Variants in ABR observed in about 807,000 individuals in gnomAD.
ABR encodes ABR activator of RhoGEF and GTPase.
Under a neutral mutation model 107.2 loss-of-function variants are expected in ABR, and 35 were observed. The ratio of observed to expected loss-of-function variants is 0.33; its 90% confidence interval spans 0.25 to 0.43. ABR has a LOEUF of 0.43. ABR is among the 20% of genes least tolerant of loss of function. The pLI, the probability that ABR is intolerant of heterozygous loss-of-function variation, is 1.00. For synonymous variants in ABR, 498 were observed against 462.0 expected, an observed-to-expected ratio of 1.08 and a Z score of -1.00; for missense variants, 815 against 1,115.2, an observed-to-expected ratio of 0.73 and a Z score of 3.83.
rs1049020115 is a variant in ABR, at chr17:1,179,379, G to A, written c.61+288C>T. 2.0e-5 allele frequency among the ~76,000 whole-genome samples: 3 copies of A among 152,088 alleles called. No homozygotes were observed. The highest frequency in any genetic ancestry group is 4.4e-5 in the Non-Finnish European group (3 of 67,978). On this transcript the variant is annotated intron_variant, in intron 1 of 22. Transcript: ENST00000302538. The surrounding 1 kb of genome is among the most constrained non-coding windows in gnomAD (Gnocchi z 4.9). ...GGTGGGAGGGGGGACGCAGCTCTCG[G>A]CTCGGTCCGCCCACGGTCCCCGCCC...
Position 1,072,746 on chromosome 17 carries a change from C to G in ABR, c.762G>C (p.Leu254=). 1 of 1,612,972 alleles carries G rather than the reference C, an allele frequency of 6.2e-7. No homozygotes were observed. The highest frequency in any genetic ancestry group is 1.3e-5 in the African/African-American group (1 of 75,008). The change falls in exon 8 of 23, where the codon CTG becomes CTC. Residue 254 remains leucine, a synonymous_variant. Coordinates refer to ENST00000302538, the MANE Select transcript of ABR (RefSeq NM_021962.5). ...CGGGGTGGTCCACAGGTGTGTGCTTCAGCAGGTCCTGGGAAGGGTGAGGCG... is the reference window on the plus strand; with the variant it reads ...CGGGGTGGTCCACAGGTGTGTGCTTGAGCAGGTCCTGGGAAGGGTGAGGCG... ...TRSTLVLHDL[L]KHTPVDHPDY... is the part of the protein sequence containing the mutation.
rs545912944 is a variant in ABR, at chr17:1,084,784, G to A, written c.532-1157C>T. Among the ~76,000 whole-genome samples, 1 of 152,326 alleles carries A rather than the reference G, an allele frequency of 6.6e-6. No individual in the cohort carries two copies. The highest frequency in any genetic ancestry group is 6.5e-5 in the Admixed American group (1 of 15,288). On this transcript the variant is annotated intron_variant, in intron 4 of 22. Coordinates refer to ENST00000302538, the MANE Select transcript of ABR (RefSeq NM_021962.5). This position sits in a 1 kb window ranked among gnomAD's most constrained non-coding sequence, Gnocchi z 4.2. Reference sequence around the variant, plus strand: ...TCTAATTGACAGCAACGGCTGGCAAGCATATGGGGAAATTTAAACTCCCTG... The same window carrying A: ...TCTAATTGACAGCAACGGCTGGCAAACATATGGGGAAATTTAAACTCCCTG...
chr17:1,082,993 G>A (rs566640757), intron 5 of ABR, among the ~76,000 whole-genome samples: 2 of 152,044 alleles, frequency 1.3e-5, no homozygotes, highest in African/African-American at 4.8e-5. Context: ...GCGTGGTGGT[G>A]TGCGCCTGTA....
intron 2 of ABR, among the ~76,000 whole-genome samples, chr17:1,103,284 C>T (rs1391660492): frequency 6.6e-6 from 1 of 152,026 alleles, no homozygotes; most frequent in African/African-American, 2.4e-5. Flanking sequence ...CAGCCTCCAG[C>T]ACACGTAGCC....
intron 1 of ABR, among the ~76,000 whole-genome samples, chr17:1,175,361 G>A (rs1056843579): frequency 1.4e-4 from 21 of 152,146 alleles, no homozygotes; most frequent in Admixed American, 2.6e-4. Flanking sequence ...GCAGTGAGCC[G>A]AGATCGCACC....
chr17:1,120,809 G>A (rs944032267), intron 2 of ABR, among the ~76,000 whole-genome samples: 4 of 152,174 alleles, frequency 2.6e-5, no homozygotes, highest in African/African-American at 9.7e-5. Context: ...AGTCATGAGT[G>A]ACACCCCTCA....
chr17:1,169,678 G>A (rs944440193), intron 1 of ABR, among the ~76,000 whole-genome samples: 2 of 152,148 alleles, frequency 1.3e-5, no homozygotes, highest in Admixed American at 6.5e-5. Context: ...TGCTGCGCGC[G>A]GGAGAGTTCA....
chr17:1,155,969 A>AAAG (rs1555607593), intron 1 of ABR: 3 of 151,630 alleles, frequency 2.0e-5, no homozygotes, highest in African/African-American at 7.3e-5. Context: ...AAAAAAAAAA[A>AAAG]AAAAAGGATA....
chr17:1,109,431 G>A, intron 2 of ABR, among the ~76,000 whole-genome samples: 1 of 151,932 alleles, frequency 6.6e-6, no homozygotes. Flanking sequence ...CGCTCGCTCC[G>A]AACACACAGG....
upstream of ABR, among the ~76,000 whole-genome samples, chr17:1,180,302 C>T (rs2042091762): frequency 6.6e-6 from 1 of 151,906 alleles, no homozygotes; most frequent in African/African-American, 2.4e-5. Context: ...GGGGTGACAT[C>T]ACCTCCCGCC....
At position 1,209,180 on chromosome 17, in the gene ABR, TAC is replaced by T. The variant is rs2042855871; in HGVS notation, c.838+19611_838+19612del. Among the ~76,000 whole-genome samples the T allele has an allele frequency of 2.0e-5, 3 of 152,156 alleles. No individual in the cohort carries two copies. In the South Asian group the frequency reaches 6.2e-4, roughly 32 times the overall value. Reference sequence around the variant, plus strand: ...ATAGAGTTCATGGGAGCCTGGAACTTACAGTCATAAAATCAGACATACAGTGT... The same window carrying T: ...ATAGAGTTCATGGGAGCCTGGAACTTAGTCATAAAATCAGACATACAGTGT... On this transcript the variant is annotated intron_variant, in intron 1 of 22. Coordinates refer to the ABR transcript ENST00000574139.
Position 1,179,858 on chromosome 17 carries a change from C to T in ABR, c.-131G>A, listed in dbSNP as rs879933857. ...GCGAGGAGGCCGGGAACCAGGTCCC[C>T]GGGAGGAGCGCGGGGCGGCCGGGGC... On this transcript the variant is annotated 5_prime_UTR_variant, in exon 1 of 23. Coordinates refer to ENST00000302538, the MANE Select transcript of ABR (RefSeq NM_021962.5). This position sits in a 1 kb window ranked among gnomAD's most constrained non-coding sequence, Gnocchi z 4.9. 1.2e-6 allele frequency: 1 copy of T among 836,924 alleles called. No homozygotes were observed. Among genetic ancestry groups the T allele is most frequent in the Admixed American group, 4.2e-5 (1 of 23,640 alleles). The allele number at this position is 836,924 out of a possible 1,614,324, so 51.8% of individuals were successfully genotyped here. A position where few individuals can be genotyped will look rare whatever the true frequency, so the allele number is the denominator to read the frequency against.
chr17:1,017,391 G>A (rs2071241901), intron 16 of ABR, among the ~76,000 whole-genome samples: 1 of 151,958 alleles, frequency 6.6e-6, no homozygotes, highest in Non-Finnish European at 1.5e-5. Context: ...GCCACACAGG[G>A]TGGAGGAATC....
intron 1 of ABR, among the ~76,000 whole-genome samples, chr17:1,215,032 C>A (rs2042972036): frequency 6.6e-6 from 1 of 151,830 alleles, no homozygotes; most frequent in Admixed American, 6.6e-5. Context: ...CCACCCTGGG[C>A]AACATGGCAA....
At chr17:1,222,937 T>C (rs1044616434) in intron 1 of ABR, among the ~76,000 whole-genome samples, 5 of 131,514 alleles carry the variant, frequency 3.8e-5, no homozygotes, top group Non-Finnish European at 8.5e-5. Flanking sequence ...GACAGTGGCT[T>C]ACACCTGTAA....
At chr17:1,168,755 G>T (rs2041603768) in intron 1 of ABR, among the ~76,000 whole-genome samples, 1 of 152,244 alleles carries the variant, frequency 6.6e-6, no homozygotes, top group African/African-American at 2.4e-5. Flanking sequence ...ACCAGCTGCA[G>T]CAAGGTCCTC....
At chr17:1,124,939 G>C (rs2039522535) in intron 2 of ABR, among the ~76,000 whole-genome samples, 1 of 152,172 alleles carries the variant, frequency 6.6e-6, no homozygotes. Context: ...GGAGGCCTGG[G>C]GAGCAGACGG....
At chr17:1,185,053 T>C (rs1025847749) in intron 1 of ABR, 2 of 152,014 alleles carry the variant, frequency 1.3e-5, no homozygotes, top group African/African-American at 4.8e-5. Context: ...GAGCGGCAAT[T>C]AGTGAATGAA....
chr17:1,079,251 G>T lies in ABR; in HGVS notation c.700+79C>A, dbSNP rs1013432924. 4 of 1,546,674 alleles carry T rather than the reference G, an allele frequency of 2.6e-6. No homozygotes were observed. The African/African-American group carries it at 5.5e-5, about 21-fold the overall frequency. ...CACACACGCACACACAAGGGGAAGGGCGCCGCGTTCACGCAGCCTGTTGCC... is the reference window on the plus strand; with the variant it reads ...CACACACGCACACACAAGGGGAAGGTCGCCGCGTTCACGCAGCCTGTTGCC... On this transcript the variant is annotated intron_variant, in intron 6 of 22. Coordinates refer to ENST00000302538, the MANE Select transcript of ABR (RefSeq NM_021962.5).
Sources: allele counts gnomAD v4.1 joint callset (sites outside exome capture counted in the v4.1 genomes callset), GRCh38; gene constraint gnomAD v4.1.1; non-coding constraint Gnocchi (gnomAD v3.1); transcripts MANE v1.5; gene names NCBI Gene and HGNC (gene_info 2026-07-23, HGNC 2026-07-21).